ACP6: variants seen among roughly 807,000 people sequenced by gnomAD.
ACP6 encodes the protein lysophosphatidic acid phosphatase type 6.
In ACP6, 48 loss-of-function variants were observed where a neutral mutation model predicts 48.1. The ratio of observed to expected loss-of-function variants is 1.00; its 90% CI spans 0.79 to 1.27. The LOEUF (loss-of-function observed/expected upper bound fraction) is 1.27, where lower values mean the gene tolerates loss of function less well. Among genes scored for constraint, ACP6 ranks in the 50% most tolerant of loss-of-function variants. The pLI is 0.00. For missense variants in ACP6, 485 were observed against 529.1 expected (o/e 0.92, Z 0.82); for synonymous variants, 172 against 204.2 (o/e 0.84, Z 1.34).
intron 6 of ACP6, chr1:147,652,769 AGGG>A: frequency 1.3e-6 from 1 of 746,344 alleles, no homozygotes; most frequent in Non-Finnish European, 2.1e-6. Context: ...AAAAAAAGAA[AGGG>A]TTTCTTCCCT....
In ACP6 at chr1:147,669,921, A is replaced by G. The variant is rs1553214370; in HGVS notation, c.128T>C (p.Val43Ala). ...ELQEADGQCP[V>A]DRSLLKLKMV... The stretch of plus-strand genomic sequence containing the variant: ...TTTCAACTTCAGCAGGCTGCGGTCG[A>G]CCGGACACTGGCCATCGGCCTCCTG... The change falls in exon 1 of 10, where the codon GTC becomes GCC. Residue 43 changes from valine to alanine, a missense_variant. By Grantham distance (64) the Val-to-Ala change is moderately conservative. Transcript: ENST00000583509. 1 of 1,578,664 alleles carries G rather than the reference A, an allele frequency of 6.3e-7. No homozygotes were observed. The highest frequency in any genetic ancestry group is 1.3e-5 in the African/African-American group (1 of 74,254).
chr1:147,652,765 A>AAAG (rs1270384729), intron 6 of ACP6: 1 of 853,572 alleles, frequency 1.2e-6, no homozygotes, highest in South Asian at 1.7e-5. Context: ...AAAAAAAAAA[A>AAAG]GAAAGGGTTT....
downstream of ACP6, among the ~76,000 whole-genome samples, chr1:147,639,441 C>A (rs1659392103): frequency 6.6e-6 from 1 of 152,210 alleles, no homozygotes; most frequent in Non-Finnish European, 1.5e-5. Context: ...TTACTAACAG[C>A]TCCAGGGACT....
Position 147,670,215 on chromosome 1 carries a change from G to A in ACP6, c.-167C>T. 3.2e-6 allele frequency: 2 copies of A among 616,954 alleles called. No individual in the cohort carries two copies. Among genetic ancestry groups the A allele is most frequent in the Non-Finnish European group, 5.5e-6 (2 of 361,934 alleles). The allele number at this position is 616,954 out of a possible 1,614,324, so 38.2% of individuals were successfully genotyped here. ...CGCTGTGCCTCCCGGCCCTGAGGGA[G>A]ACCCCGAGTGGGAACGGGGGAGAGA... On this transcript the variant is annotated 5_prime_UTR_variant, in exon 1 of 10. Coordinates refer to ENST00000583509, the MANE Select transcript of ACP6 (RefSeq NM_016361.5).
exon 6 of ACP6, chr1:147,629,730 C>A (rs1262112786): frequency 2.0e-5 from 3 of 152,166 alleles, no homozygotes; most frequent in Non-Finnish European, 4.4e-5. Flanking sequence ...GGTGGCCAAA[C>A]ATTTCCTATT....
intron 7 of ACP6, chr1:147,652,167 A>T: frequency 2.7e-6 from 1 of 365,784 alleles, no homozygotes. Context: ...CCCCACCCAA[A>T]TCCTTTAAAC....
At chr1:147,666,094 T>C (rs940790239) in intron 1 of ACP6, among the ~76,000 whole-genome samples, 13 of 152,336 alleles carry the variant, frequency 8.5e-5, no homozygotes, top group Admixed American at 5.2e-4. Flanking sequence ...ATGTACACCA[T>C]GAAGATCTGT....
At chr1:147,660,762 TTTAA>T (rs1203741097) in intron 1 of ACP6, among the ~76,000 whole-genome samples, 2 of 152,240 alleles carry the variant, frequency 1.3e-5, no homozygotes, top group African/African-American at 2.4e-5. Flanking sequence ...TTGTTTTATT[TTTAA>T]TTGACAAATA....
At position 147,648,255 on chromosome 1, in the gene ACP6, G is replaced by A. The variant is rs782537051; in HGVS notation, c.1134C>T (p.Tyr378=). 5 of 1,614,128 alleles carry A rather than the reference G, an allele frequency of 3.1e-6. No homozygotes were observed. The East Asian group carries it at 1.1e-4, about 36-fold the overall frequency. The change falls in exon 9 of 10, where the codon TAC becomes TAT. Residue 378 remains tyrosine, a synonymous_variant. Coordinates refer to ENST00000583509, the MANE Select transcript of ACP6 (RefSeq NM_016361.5). ...ESKEWFVQLY[Y]HGKEQVPRGC... ...ACCTCAGGGGTATTACCTTCCCGTG[G>A]TAATAGAGCTGCACAAACCACTCCT...
At chr1:147,657,816 C>T (rs906043702) in intron 4 of ACP6, among the ~76,000 whole-genome samples, 47 of 152,320 alleles carry the variant, frequency 3.1e-4, no homozygotes, top group African/African-American at 1.1e-3. Flanking sequence ...GTAGGTCCAG[C>T]GCAGGGAGCT....
rs587764687 is a variant in ACP6, at chr1:147,633,386, C to T, written c.461-2321G>A. Among the ~76,000 whole-genome samples the T allele has an allele frequency of 4.5e-3, 681 of 152,276 alleles. 6 individuals carry two copies. The highest frequency in any genetic ancestry group is 0.015 in the African/African-American group (638 of 41,548). ...TTTTATCTTGTTTTATCACAGTTTA[C>T]ACATACCTTGAAAGAAGAAATAAAG... On this transcript the variant is annotated intron_variant, in intron 5 of 5. Transcript: ENST00000609196.
chr1:147,632,425 T>A (rs1570935596), intron 5 of ACP6, among the ~76,000 whole-genome samples: 2 of 152,046 alleles, frequency 1.3e-5, no homozygotes, highest in Admixed American at 1.3e-4. Context: ...TGAGCTTGGG[T>A]GGCCAGGAAA....
Position 147,655,265 on chromosome 1 carries a change from A to G in ACP6, c.560-17T>C. On this transcript the variant is annotated splice_polypyrimidine_tract_variant and intron_variant, in intron 4 of 9. Coordinates refer to ENST00000583509, the MANE Select transcript of ACP6 (RefSeq NM_016361.5). ...TGATGGGTCCTGGAAGAAAGGGAGG[A>G]AGCACAGGCAGGCAGAGGCTTCAGC... 6.3e-7 allele frequency: 1 copy of G among 1,576,704 alleles called. No homozygotes were observed. Among genetic ancestry groups the G allele is most frequent in the South Asian group, 1.1e-5 (1 of 87,228 alleles).
At chr1:147,662,098 T>C (rs924120962) in intron 1 of ACP6, among the ~76,000 whole-genome samples, 1 of 152,260 alleles carries the variant, frequency 6.6e-6, no homozygotes, top group Non-Finnish European at 1.5e-5. Context: ...CATGGTCTAC[T>C]TAATATTTTA....
At chr1:147,648,003 G>T (rs781949493) in intron 9 of ACP6, 9 of 539,160 alleles carry the variant, frequency 1.7e-5, no homozygotes, top group Middle Eastern at 4.8e-4. Flanking sequence ...AGAGGAGGGG[G>T]ACCCTGTTCC....
intron 4 of ACP6, among the ~76,000 whole-genome samples, chr1:147,657,431 T>C (rs1660313191): frequency 6.6e-6 from 1 of 152,124 alleles, no homozygotes; most frequent in African/African-American, 2.4e-5. Context: ...TTTTTGTTTG[T>C]TTGTTTTTTG....
At chr1:147,661,586 G>A (rs1008715002) in intron 1 of ACP6, among the ~76,000 whole-genome samples, 3 of 152,068 alleles carry the variant, frequency 2.0e-5, no homozygotes, top group African/African-American at 4.8e-5. Flanking sequence ...TGGCCTCTAA[G>A]TGTTAAGTGA....
rs782576106 is a variant in ACP6 at position 147,650,154 on chromosome 1, G to A, written c.966C>T (p.Pro322=). The A allele has an allele frequency of 3.1e-6, 5 of 1,606,300 alleles. No homozygotes were observed. Among genetic ancestry groups the A allele is most frequent in the East Asian group, 2.3e-5 (1 of 44,122 alleles). ...GCTGTGCCAGGTACCTGATCTTGTCGGGGGCAGTGGCAGAGTCCATGGCTT... is the reference window on the plus strand; with the variant it reads ...GCTGTGCCAGGTACCTGATCTTGTCAGGGGCAGTGGCAGAGTCCATGGCTT... ...LLKAMDSATA[P]DKIRKLYLYA... is the part of the protein sequence containing the mutation. The change falls in exon 8 of 10, where the codon CCC becomes CCT. Residue 322 remains proline, a synonymous_variant. Coordinates refer to ENST00000583509, the MANE Select transcript of ACP6 (RefSeq NM_016361.5).
chr1:147,667,311 G>T (rs1050798974), intron 1 of ACP6, among the ~76,000 whole-genome samples: 1 of 151,934 alleles, frequency 6.6e-6, no homozygotes, highest in African/African-American at 2.4e-5. Flanking sequence ...TCCGCCTCCC[G>T]GGTTCAAGCA....
Sources: allele counts gnomAD v4.1 joint callset (sites outside exome capture counted in the v4.1 genomes callset), GRCh38; gene constraint gnomAD v4.1.1; transcripts MANE v1.5; gene names NCBI Gene and HGNC (gene_info 2026-07-23, HGNC 2026-07-21).